The following ATP8A2 variants were observed in gnomAD, a reference collection of about 807,000 sequenced individuals.
ATP8A2 encodes phospholipid-transporting ATPase IB.
In ATP8A2, 100 loss-of-function variants were observed where a neutral mutation model predicts 165.6. That is an observed-to-expected ratio of 0.60 (90% confidence interval 0.51 to 0.71). The LOEUF (loss-of-function observed/expected upper bound fraction) is 0.71, where lower values mean the gene tolerates loss of function less well. Ranked by LOEUF, ATP8A2 falls within the 30% of genes least tolerant of loss-of-function variation. The probability of loss-of-function intolerance (pLI) is 0.00; values close to 1 mark genes in which losing one functional copy is unlikely to be tolerated. For synonymous variants in ATP8A2, 543 were observed against 548.8 expected (o/e 0.99, Z 0.15); for missense variants, 1,227 against 1,479.5 (o/e 0.83, Z 2.80).
At chr13:25,442,796 C>T (rs1022014512) in intron 1 of ATP8A2, among the ~76,000 whole-genome samples, 1 of 152,112 alleles carries the variant, frequency 6.6e-6, no homozygotes, top group African/African-American at 2.4e-5. Context: ...TGCATATCTT[C>T]TTTGGAAAAA....
intron 1 of ATP8A2, among the ~76,000 whole-genome samples, chr13:25,413,372 C>T (rs1196081207): frequency 6.7e-6 from 1 of 148,262 alleles, no homozygotes; most frequent in African/African-American, 2.5e-5. Context: ...ACATCCACCT[C>T]CCAGGTTCAA....
intron 1 of ATP8A2, among the ~76,000 whole-genome samples, chr13:25,399,539 C>T (rs2033554577): frequency 9.3e-6 from 1 of 107,788 alleles, no homozygotes; most frequent in Non-Finnish European, 1.9e-5. Context: ...GCTGGGACTA[C>T]AGGAGCCCGC....
intron 1 of ATP8A2, among the ~76,000 whole-genome samples, chr13:25,464,770 G>T (rs74042960): frequency 0.014 from 2,190 of 152,290 alleles, 53 homozygotes; most frequent in African/African-American, 0.05. Context: ...CAGCGGCTGG[G>T]CAGGTACCTA....
intron 1 of ATP8A2, among the ~76,000 whole-genome samples, chr13:25,396,628 CT>C (rs1415399700): frequency 6.6e-6 from 1 of 152,136 alleles, no homozygotes; most frequent in Non-Finnish European, 1.5e-5. Flanking sequence ...CATGAGGGTG[CT>C]CTTGGGTGCA....
At chr13:25,882,222 T>C (rs1002178498) in intron 33 of ATP8A2, among the ~76,000 whole-genome samples, 1 of 152,194 alleles carries the variant, frequency 6.6e-6, no homozygotes, top group African/African-American at 2.4e-5. Flanking sequence ...GTATTATCAT[T>C]ATCGTATTAG....
Position 25,551,471 on chromosome 13 carries a change from A to G in ATP8A2, c.1025A>G (p.His342Arg), listed in dbSNP as rs748759596. The G allele has an allele frequency of 9.9e-6, 16 of 1,612,676 alleles. No homozygotes were observed. The highest frequency in any genetic ancestry group is 9.3e-6 in the Non-Finnish European group (11 of 1,179,062). Reference sequence around the variant, plus strand: ...GGGGCCCTGTACTGGAACAGGTCTCATGGTGAAAAGAACTGGTACATCAAG... The same window carrying G: ...GGGGCCCTGTACTGGAACAGGTCTCGTGGTGAAAAGAACTGGTACATCAAG... ...SAGALYWNRS[H>R]GEKNWYIKKM... Residue 342 changes from histidine (H) to arginine (R), a missense_variant, in exon 11 of 37, where the codon CAT becomes CGT. Physicochemically the swap from His to Arg is conservative, Grantham distance 29. Transcript: ENST00000381655.
intron 30 of ATP8A2, among the ~76,000 whole-genome samples, chr13:25,856,747 C>T (rs1177020921): frequency 6.6e-6 from 1 of 152,162 alleles, no homozygotes; most frequent in Non-Finnish European, 1.5e-5. Context: ...AATAACTCCT[C>T]CTTCTCCCCT....
At chr13:25,741,341 C>A (rs2138146626) in intron 25 of ATP8A2, among the ~76,000 whole-genome samples, 1 of 152,210 alleles carries the variant, frequency 6.6e-6, no homozygotes, top group East Asian at 1.9e-4. Flanking sequence ...AGAAGTGTCC[C>A]TAAAATAGCT....
At chr13:25,527,580 G>A (rs535614148) in intron 2 of ATP8A2, among the ~76,000 whole-genome samples, 5 of 152,260 alleles carry the variant, frequency 3.3e-5, no homozygotes, top group African/African-American at 1.2e-4. Context: ...CTGGATGAAT[G>A]TTAATTTCTC....
intron 1 of ATP8A2, among the ~76,000 whole-genome samples, chr13:25,404,750 G>C (rs994545187): frequency 3.3e-5 from 5 of 152,002 alleles, no homozygotes; most frequent in African/African-American, 1.2e-4. Flanking sequence ...GTGTCTGTGT[G>C]GGGGAGGGCA....
Position 25,641,842 on chromosome 13 carries a change from G to C in ATP8A2, c.2211+52143G>C, listed in dbSNP as rs1348155343. Among the ~76,000 whole-genome samples the C allele has an allele frequency of 5.9e-4, 9 of 15,274 alleles. No homozygotes were observed. In the East Asian group the frequency reaches 0.02, roughly 33 times the overall value. The allele number at this position is 15,274 out of a possible 152,430, so 10.0% of individuals were successfully genotyped here. A position where few individuals can be genotyped will look rare whatever the true frequency, so the allele number is the denominator to read the frequency against. ...CAAAGCTGGAGGCGTCACGCTACCTGACTTCAAACTATACAAGGCTACAGT... is the reference window on the plus strand; with the variant it reads ...CAAAGCTGGAGGCGTCACGCTACCTCACTTCAAACTATACAAGGCTACAGT... On this transcript the variant is annotated intron_variant, in intron 24 of 36. Transcript: ENST00000381655.
intron 25 of ATP8A2, among the ~76,000 whole-genome samples, chr13:25,742,839 G>C (rs2043946629): frequency 6.6e-6 from 1 of 152,086 alleles, no homozygotes. Flanking sequence ...CTTCGAGTCT[G>C]CAGCATATGG....
At chr13:25,421,712 A>C (rs1488036291) in intron 1 of ATP8A2, among the ~76,000 whole-genome samples, 2 of 152,242 alleles carry the variant, frequency 1.3e-5, no homozygotes, top group African/African-American at 4.8e-5. Context: ...TTACTTGTAC[A>C]GGACTGGAAG....
chr13:25,662,713 G>T (rs1304922646), intron 24 of ATP8A2, among the ~76,000 whole-genome samples: 1 of 152,252 alleles, frequency 6.6e-6, no homozygotes, highest in South Asian at 2.1e-4. Flanking sequence ...TGGCAACATT[G>T]TTTTTAGGCT....
chr13:25,674,061 A>G (rs1378906940), intron 24 of ATP8A2, among the ~76,000 whole-genome samples: 2 of 152,230 alleles, frequency 1.3e-5, no homozygotes, highest in Non-Finnish European at 2.9e-5. Flanking sequence ...ACATCCTGCC[A>G]TAAACGGAGA....
At chr13:25,941,481 G>T (rs1027001485) in intron 33 of ATP8A2, among the ~76,000 whole-genome samples, 6 of 152,190 alleles carry the variant, frequency 3.9e-5, no homozygotes, top group Middle Eastern at 3.4e-3. Context: ...CCGTCTTCTG[G>T]CTGCAATGCT....
intron 1 of ATP8A2, among the ~76,000 whole-genome samples, chr13:25,442,620 A>G (rs1410710042): frequency 6.6e-6 from 1 of 152,200 alleles, no homozygotes; most frequent in Non-Finnish European, 1.5e-5. Flanking sequence ...GAGTCTTGCT[A>G]TGTCGTCCAG....
At chr13:25,513,287 G>A (rs986259998) in intron 2 of ATP8A2, among the ~76,000 whole-genome samples, 2 of 151,926 alleles carry the variant, frequency 1.3e-5, no homozygotes, top group Non-Finnish European at 2.9e-5. Flanking sequence ...ACGGGGTCGC[G>A]GCCGGGTAGG....
At chr13:25,436,821 G>C (rs939374410) in intron 1 of ATP8A2, among the ~76,000 whole-genome samples, 3 of 151,374 alleles carry the variant, frequency 2.0e-5, no homozygotes, top group Non-Finnish European at 2.9e-5. Flanking sequence ...TGTCACCTAG[G>C]CTGGAGTCCA....
Sources: allele counts gnomAD v4.1 joint callset (sites outside exome capture counted in the v4.1 genomes callset), GRCh38; gene constraint gnomAD v4.1.1; transcripts MANE v1.5; gene names NCBI Gene and HGNC (gene_info 2026-07-23, HGNC 2026-07-21).